The following SLC1A1 variants were observed in gnomAD, a reference collection of about 807,000 sequenced individuals.
SLC1A1 encodes solute carrier family 1 member 1, also known as excitatory amino acid transporter 3.
In SLC1A1, 43 loss-of-function variants were observed where a neutral mutation model predicts 53.3. The observed-to-expected ratio is 0.81, with a 90% CI of 0.63 to 1.04. SLC1A1 has a LOEUF of 1.04. Ranked by LOEUF, SLC1A1 falls within the 50% of genes least tolerant of loss-of-function variation. The probability of loss-of-function intolerance (pLI) is 0.00; values close to 1 mark genes in which losing one functional copy is unlikely to be tolerated. For missense variants in SLC1A1, 748 were observed against 664.9 expected (o/e 1.12, Z -1.37); for synonymous variants, 307 against 243.2 (o/e 1.26, Z -2.44).
intron 3 of SLC1A1, among the ~76,000 whole-genome samples, chr9:4,562,002 C>T (rs1366551776): frequency 6.6e-6 from 1 of 151,558 alleles, no homozygotes; most frequent in African/African-American, 2.4e-5. Context: ...AAGGGATCTG[C>T]CTGCCTCAGC....
intron 1 of SLC1A1, among the ~76,000 whole-genome samples, chr9:4,533,279 A>T (rs1373244501): frequency 3.9e-5 from 6 of 152,228 alleles, no homozygotes; most frequent in African/African-American, 1.2e-4. Context: ...AAATTGGATA[A>T]AGAGTCAAGA....
chr9:4,576,148 A>G (rs1469215094), intron 9 of SLC1A1, 25 bp downstream of exon 9: 1 of 1,611,146 alleles, frequency 6.2e-7, no homozygotes, highest in East Asian at 2.2e-5. Flanking sequence ...GGTTTCTGGA[A>G]GAAGCCTCCA....
intron 1 of SLC1A1, among the ~76,000 whole-genome samples, chr9:4,516,640 A>G (rs1000304993): frequency 4.6e-5 from 7 of 152,126 alleles, no homozygotes; most frequent in Non-Finnish European, 7.4e-5. Context: ...TGATTTCCCT[A>G]TGCTAATCCA....
intron 1 of SLC1A1, among the ~76,000 whole-genome samples, chr9:4,536,700 C>A (rs1816687478): frequency 6.6e-6 from 1 of 152,208 alleles, no homozygotes; most frequent in Admixed American, 6.5e-5. Context: ...TGGGTATATA[C>A]CCAAAGGATT....
At chr9:4,565,946 G>A (rs1819444532) in intron 4 of SLC1A1, 101 bp from the exon 5 acceptor site, 1 of 910,850 alleles carries the variant, frequency 1.1e-6, no homozygotes, top group East Asian at 2.4e-5. Context: ...AGAGAAACCA[G>A]AGTACTAGTT....
chr9:4,491,770 G>C (rs1259397859), intron 1 of SLC1A1, among the ~76,000 whole-genome samples: 5 of 152,314 alleles, frequency 3.3e-5, no homozygotes, highest in East Asian at 3.9e-4. Flanking sequence ...TCCTCGGCAG[G>C]CTCCACCTTC....
intron 10 of SLC1A1, among the ~76,000 whole-genome samples, chr9:4,578,943 T>C (rs1372534916): frequency 2.0e-5 from 3 of 152,254 alleles, no homozygotes; most frequent in Admixed American, 1.3e-4. Flanking sequence ...AGGTTGAATC[T>C]GAACTTTTTA....
intron 1 of SLC1A1, among the ~76,000 whole-genome samples, chr9:4,514,265 C>T (rs1371717965): frequency 6.6e-6 from 1 of 152,182 alleles, no homozygotes. Context: ...AAGAGAGGGT[C>T]TGTGTTTACT....
chr9:4,563,280 G>T (rs1428223807), intron 3 of SLC1A1, among the ~76,000 whole-genome samples: 1 of 152,148 alleles, frequency 6.6e-6, no homozygotes, highest in South Asian at 2.1e-4. Flanking sequence ...GGCTTTAGTG[G>T]TATTAGGCCA....
chr9:4,566,697 T>TA lies in SLC1A1; in HGVS notation c.483+617dup, dbSNP rs1182683660. ...ACCATGTCTCTAAAAAGAAATAATTTAAAAAAAAATATAAAAAATCGTTGT... is the reference window on the plus strand; with the variant it reads ...ACCATGTCTCTAAAAAGAAATAATTTAAAAAAAAAATATAAAAAATCGTTGT... On this transcript the variant is annotated intron_variant, in intron 5 of 11. Transcript: ENST00000262352. Among the ~76,000 whole-genome samples, 1,513 of 151,780 alleles carry TA rather than the reference T, an allele frequency of 1.0e-2. 28 individuals are homozygous for TA. The highest frequency in any genetic ancestry group is 0.034 in the African/African-American group (1,408 of 41,384).
intron 1 of SLC1A1, among the ~76,000 whole-genome samples, chr9:4,515,170 C>G (rs763246739): frequency 6.6e-6 from 1 of 151,980 alleles, no homozygotes; most frequent in East Asian, 1.9e-4. Flanking sequence ...AAGTGAGTGT[C>G]CCAAGAAGAA....
At chr9:4,510,196 G>A (rs928603778) in intron 1 of SLC1A1, among the ~76,000 whole-genome samples, 21 of 152,290 alleles carry the variant, frequency 1.4e-4, no homozygotes, top group Middle Eastern at 6.8e-3. Context: ...GAAATGAGAG[G>A]TAAGAATGGC....
chr9:4,521,759 A>G (rs1816079959), intron 1 of SLC1A1, among the ~76,000 whole-genome samples: 1 of 152,160 alleles, frequency 6.6e-6, no homozygotes. Context: ...ACACTGAGGC[A>G]GAAGAGGGAA....
chr9:4,501,055 G>A lies in SLC1A1; in HGVS notation c.91+10285G>A, dbSNP rs149248272. 5.9e-3 allele frequency among the ~76,000 whole-genome samples: 900 copies of A among 152,292 alleles called. 5 individuals are homozygous for A. The highest frequency in any genetic ancestry group is 0.018 in the African/African-American group (762 of 41,558). On this transcript the variant is annotated intron_variant, in intron 1 of 11. Coordinates refer to ENST00000262352, the MANE Select transcript of SLC1A1 (RefSeq NM_004170.6). ...CCCACCAGTCCTGCACTCATGCTGA[G>A]GTCACCACTCCCGAGCCCTTTCTTA...
chr9:4,585,627 A>G lies in SLC1A1; in HGVS notation c.*69A>G. The G allele has an allele frequency of 6.3e-7, 1 of 1,582,356 alleles. No homozygotes were observed. Among genetic ancestry groups the G allele is most frequent in the Admixed American group, 1.7e-5 (1 of 59,936 alleles). ...GTGAGAGTCATCTCAAACACTGCTTAAGGAAAAGAGAAACACTAATGGCCA... is the reference window on the plus strand; with the variant it reads ...GTGAGAGTCATCTCAAACACTGCTTGAGGAAAAGAGAAACACTAATGGCCA... On this transcript the variant is annotated 3_prime_UTR_variant, in exon 12 of 12. Coordinates refer to ENST00000262352, the MANE Select transcript of SLC1A1 (RefSeq NM_004170.6).
chr9:4,554,221 C>T (rs931828477), intron 2 of SLC1A1: 2 of 152,202 alleles, frequency 1.3e-5, no homozygotes, highest in African/African-American at 4.8e-5. Flanking sequence ...CACTCTGCTG[C>T]CAAGGGGCCA....
At chr9:4,560,000 C>A (rs1197357793) in intron 2 of SLC1A1, 1 of 152,236 alleles carries the variant, frequency 6.6e-6, no homozygotes, top group African/African-American at 2.4e-5. Flanking sequence ...ACACTCCAGA[C>A]AGCCCTTTCA....
At chr9:4,555,146 C>T (rs1033044079) in intron 2 of SLC1A1, among the ~76,000 whole-genome samples, 2 of 152,234 alleles carry the variant, frequency 1.3e-5, no homozygotes, top group African/African-American at 4.8e-5. Flanking sequence ...CACCAAAGCC[C>T]ATGCCTTCTC....
chr9:4,538,676 G>C (rs1227485479), intron 1 of SLC1A1, among the ~76,000 whole-genome samples: 1 of 152,130 alleles, frequency 6.6e-6, no homozygotes, highest in Admixed American at 6.5e-5. Flanking sequence ...TAAAGGATTT[G>C]AAAATAAAAA....
Sources: allele counts gnomAD v4.1 joint callset (sites outside exome capture counted in the v4.1 genomes callset), GRCh38; gene constraint gnomAD v4.1.1; transcripts MANE v1.5; gene names NCBI Gene and HGNC (gene_info 2026-07-23, HGNC 2026-07-21).